NECTIN3: variants seen among roughly 807,000 people sequenced by gnomAD.
NECTIN3 encodes the protein nectin-3.
A neutral mutation model predicts 49.4 loss-of-function variants in NECTIN3; 8 were observed. That is an observed-to-expected ratio of 0.16 (90% CI 0.10 to 0.29). NECTIN3 has a LOEUF of 0.29. Among genes scored for constraint, NECTIN3 ranks in the 10% least tolerant of loss-of-function variants. NECTIN3 has a pLI of 1.00. For missense variants in NECTIN3, 581 were observed against 654.6 expected (o/e 0.89, Z 1.23); for synonymous variants, 277 against 241.1 (o/e 1.15, Z -1.38).
chr3:111,186,001 A>G (rs2035712407), intron 7 of NECTIN3, among the ~76,000 whole-genome samples: 1 of 152,158 alleles, frequency 6.6e-6, no homozygotes, highest in South Asian at 2.1e-4. Flanking sequence ...AAGGCACGAG[A>G]CCAGAATCAA....
At chr3:111,124,306 T>C (rs1559793923) in intron 4 of NECTIN3, among the ~76,000 whole-genome samples, 1 of 152,138 alleles carries the variant, frequency 6.6e-6, no homozygotes, top group Non-Finnish European at 1.5e-5. Flanking sequence ...CAGTACTTCA[T>C]AGAGTTTTTG....
downstream of NECTIN3, among the ~76,000 whole-genome samples, chr3:111,141,268 G>T (rs1328129915): frequency 1.3e-5 from 2 of 151,862 alleles, no homozygotes; most frequent in African/African-American, 4.8e-5. Context: ...ATAATATATA[G>T]TATGGGAGCA....
At chr3:111,126,467 T>C (rs2034167433) in intron 5 of NECTIN3, 132 bp downstream of exon 5, 4 of 754,576 alleles carry the variant, frequency 5.3e-6, no homozygotes, top group Non-Finnish European at 8.3e-6. Flanking sequence ...TTCCAAATAA[T>C]CTAAAAGGAA....
chr3:111,110,166 T>A (rs2033393383), intron 1 of NECTIN3, among the ~76,000 whole-genome samples: 1 of 152,010 alleles, frequency 6.6e-6, no homozygotes, highest in African/African-American at 2.4e-5. Context: ...TTCTTTTCCT[T>A]CCTAATATTT....
At chr3:111,139,922 T>C (rs531135976), downstream of NECTIN3, among the ~76,000 whole-genome samples, 2 of 152,006 alleles carry the variant, frequency 1.3e-5, no homozygotes, top group East Asian at 3.9e-4. Flanking sequence ...GGGGAAACAA[T>C]ATGATTGCAT....
intron 1 of NECTIN3, among the ~76,000 whole-genome samples, chr3:111,110,012 A>C (rs1488030772): frequency 6.6e-6 from 1 of 152,058 alleles, no homozygotes; most frequent in East Asian, 1.9e-4. Context: ...AAATCTGTAA[A>C]GATATCACCC....
At chr3:111,146,411 G>A (rs1006910226) in intron 6 of NECTIN3, among the ~76,000 whole-genome samples, 5 of 148,122 alleles carry the variant, frequency 3.4e-5, no homozygotes, top group African/African-American at 5.0e-5. Flanking sequence ...TCCAGCCTGG[G>A]CGACAGAGCG....
In NECTIN3 at chr3:111,134,816, T is replaced by G. The variant is rs2034521306; in HGVS notation, c.*601T>G. ...TATTAATGAGCCTTGCCATAATTAC[T>G]GTAGAGTGGCTTTTCAAAGATATTT... On this transcript the variant is annotated 3_prime_UTR_variant, in exon 6 of 6. Transcript: ENST00000485303. 1.0e-6 allele frequency: 1 copy of G among 981,880 alleles called. No homozygotes were observed. Among genetic ancestry groups the G allele is most frequent in the Non-Finnish European group, 1.2e-6 (1 of 826,798 alleles). The allele number at this position is 981,880 out of a possible 1,614,324, so 60.8% of individuals were successfully genotyped here.
intron 1 of NECTIN3, among the ~76,000 whole-genome samples, chr3:111,104,098 T>C (rs1223732631): frequency 6.6e-6 from 1 of 152,188 alleles, no homozygotes; most frequent in Non-Finnish European, 1.5e-5. Context: ...TGTATTCCAG[T>C]GTGGTTTTAC....
chr3:111,152,059 A>G (rs1459472545), intron 7 of NECTIN3, among the ~76,000 whole-genome samples: 1 of 151,892 alleles, frequency 6.6e-6, no homozygotes, highest in South Asian at 2.1e-4. Flanking sequence ...CCTAAAATAT[A>G]CTGGAGATCT....
chr3:111,160,447 C>A (rs2035186443), intron 7 of NECTIN3, among the ~76,000 whole-genome samples: 1 of 152,042 alleles, frequency 6.6e-6, no homozygotes, highest in East Asian at 1.9e-4. Flanking sequence ...AATGGGAAAC[C>A]AAAGTGATAA....
At chr3:111,159,812 T>C (rs1221276445) in intron 7 of NECTIN3, among the ~76,000 whole-genome samples, 1 of 152,232 alleles carries the variant, frequency 6.6e-6, no homozygotes, top group African/African-American at 2.4e-5. Context: ...TAATTAGCCC[T>C]GATTATGATC....
intron 1 of NECTIN3, chr3:111,072,713 C>G (rs2030873960): frequency 8.2e-6 from 7 of 858,578 alleles, no homozygotes; most frequent in Non-Finnish European, 1.2e-5. Flanking sequence ...TGTCTTGTGC[C>G]CACTCCCCCG....
At chr3:111,131,560 A>T (rs1277591253) in intron 5 of NECTIN3, among the ~76,000 whole-genome samples, 1 of 151,986 alleles carries the variant, frequency 6.6e-6, no homozygotes, top group Admixed American at 6.6e-5. Context: ...CTGATTAAGG[A>T]GTGGGATGGT....
At chr3:111,161,599 T>C (rs1021826107) in intron 7 of NECTIN3, among the ~76,000 whole-genome samples, 23 of 152,126 alleles carry the variant, frequency 1.5e-4, no homozygotes, top group African/African-American at 5.3e-4. Flanking sequence ...TGGCATTAGA[T>C]TCTCATAGGA....
In NECTIN3 at chr3:111,134,368, A is replaced by G; in HGVS notation, c.*153A>G. The G allele has an allele frequency of 7.1e-7, 1 of 1,398,820 alleles. No homozygotes were observed. The highest frequency in any genetic ancestry group is 1.5e-5 in the African/African-American group (1 of 68,600). The allele number at this position is 1,398,820 out of a possible 1,614,324, so 86.7% of individuals were successfully genotyped here. On this transcript the variant is annotated 3_prime_UTR_variant, in exon 6 of 6. Transcript: ENST00000485303. ...ATTCTAATCTGACAAATGAAAATGT[A>G]AAATCTGAGTTCAGTGTATCTAAGC... is the stretch of plus-strand genomic sequence containing the variant.
intron 1 of NECTIN3, among the ~76,000 whole-genome samples, chr3:111,107,056 A>G (rs1463915193): frequency 2.0e-5 from 3 of 152,116 alleles, no homozygotes; most frequent in Non-Finnish European, 2.9e-5. Flanking sequence ...AATGGTTGCA[A>G]TTTTATTCAT....
At chr3:111,176,129 A>G (rs2035524159) in intron 7 of NECTIN3, among the ~76,000 whole-genome samples, 1 of 152,222 alleles carries the variant, frequency 6.6e-6, no homozygotes, top group Admixed American at 6.5e-5. Flanking sequence ...ATTTGGCCAT[A>G]TGAATTACGT....
At chr3:111,091,896 A>G (rs1005380266) in intron 1 of NECTIN3, among the ~76,000 whole-genome samples, 1 of 152,218 alleles carries the variant, frequency 6.6e-6, no homozygotes, top group Non-Finnish European at 1.5e-5. Context: ...CAAAGGGGCT[A>G]TACCATTTTA....
Sources: gnomAD v4.1 joint callset for allele counts (sites outside exome capture counted in the v4.1 genomes callset) on GRCh38, gnomAD v4.1.1 for gene constraint, MANE v1.5 for transcripts, NCBI Gene and HGNC (gene_info 2026-07-23, HGNC 2026-07-21) for gene names.